The following METTL16 variants were observed in gnomAD, a reference collection of about 807,000 sequenced individuals.
The protein encoded by METTL16 is RNA N(6)-adenosine-methyltransferase METTL16.
In METTL16, 19 loss-of-function variants were observed where a neutral mutation model predicts 57.9. The ratio of observed to expected loss-of-function variants is 0.33; its 90% CI spans 0.23 to 0.48. The LOEUF (loss-of-function observed/expected upper bound fraction) is 0.48, where lower values mean the gene tolerates loss of function less well. METTL16 is among the 20% of genes least tolerant of loss of function. The pLI is 0.99. For synonymous variants in METTL16, 246 were observed against 255.6 expected, an observed-to-expected ratio of 0.96 and a Z score of 0.36; for missense variants, 434 against 691.5, an observed-to-expected ratio of 0.63 and a Z score of 4.18.
At chr17:2,493,952 A>C (rs2067421201) in intron 2 of METTL16, among the ~76,000 whole-genome samples, 1 of 152,124 alleles carries the variant, frequency 6.6e-6, no homozygotes, top group South Asian at 2.1e-4. Context: ...AGTTCTCCTC[A>C]AGACTGCCGT....
In METTL16 at chr17:2,507,502, T is replaced by TG. The variant is rs1455295578; in HGVS notation, c.-1+4256dup. 1.6e-4 allele frequency among the ~76,000 whole-genome samples: 22 copies of TG among 133,794 alleles called. No homozygotes were observed. In the South Asian group the frequency reaches 2.2e-3, roughly 13 times the overall value. The allele number at this position is 133,794 out of a possible 152,430, so 87.8% of individuals were successfully genotyped here. A position where few individuals can be genotyped will look rare whatever the true frequency, so the allele number is the denominator to read the frequency against. ...ACAGCCGCCCTGTCCGGGAGGGAGG[T>TG]GGGGGGGTCAGCCCCCCGCCCGGCC... On this transcript the variant is annotated intron_variant, in intron 1 of 9. Transcript: ENST00000263092.
rs869134753 is a variant in METTL16 at position 2,417,085 on chromosome 17, T to TTTTTTTTTTTTTTTTTTTTTTA, written c.*2884_*2885insTAAAAAAAAAAAAAAAAAAAAA. The TTTTTTTTTTTTTTTTTTTTTTA allele has an allele frequency of 7.9e-5, 11 of 138,430 alleles. No individual in the cohort carries two copies. The highest frequency in any genetic ancestry group is 3.1e-4 in the African/African-American group (11 of 35,038). 8.6% of individuals were successfully genotyped at this position (138,430 alleles called of 1,614,324 possible). On this transcript the variant is annotated 3_prime_UTR_variant, in exon 10 of 10. Coordinates refer to ENST00000263092, the MANE Select transcript of METTL16 (RefSeq NM_024086.4). ...TTTTTTTTTTTTTTTTTTTTTTTTT[T>TTTTTTTTTTTTTTTTTTTTTTA]GAGACAGTCCCACTTTGTCGCCCAG...
intron 8 of METTL16, among the ~76,000 whole-genome samples, chr17:2,430,654 G>A (rs78283249): frequency 2.2e-4 from 34 of 151,950 alleles, no homozygotes; most frequent in African/African-American, 8.0e-4. Flanking sequence ...TCCTGACCTC[G>A]CGATCCGCCG....
rs55994674 is a variant in METTL16, at chr17:2,429,198, CT to C, written c.889-8295del. ...AAACTGATAAAGCAAAAGAATGAAA[CT>C]TTTTTTTTTTTTTTTGGAGATGTAG... is the stretch of plus-strand genomic sequence containing the variant. On this transcript the variant is annotated intron_variant, in intron 8 of 9. Transcript: ENST00000263092. Among the ~76,000 whole-genome samples the C allele has an allele frequency of 3.9e-3, 467 of 120,342 alleles. 3 individuals are homozygous for C. The highest frequency in any genetic ancestry group is 8.6e-3 in the African/African-American group (260 of 30,230). 78.9% of individuals were successfully genotyped at this position (120,342 alleles called of 152,430 possible).
chr17:2,445,795 AAATT>A (rs1363605578), intron 6 of METTL16, among the ~76,000 whole-genome samples: 1 of 151,852 alleles, frequency 6.6e-6, no homozygotes, highest in Non-Finnish European at 1.5e-5. Flanking sequence ...TAAAAAAAAA[AAATT>A]AATTAATTTA....
intron 2 of METTL16, among the ~76,000 whole-genome samples, chr17:2,487,623 C>T (rs967287991): frequency 1.3e-5 from 2 of 152,152 alleles, no homozygotes; most frequent in Non-Finnish European, 2.9e-5. Flanking sequence ...CCCTGAAAAT[C>T]AGAGTCAGTG....
chr17:2,471,230 G>A (rs1597459936), intron 4 of METTL16, among the ~76,000 whole-genome samples: 1 of 152,170 alleles, frequency 6.6e-6, no homozygotes, highest in Admixed American at 6.5e-5. Context: ...GGGGTGCAGC[G>A]TCGCAATCTC....
chr17:2,420,705 C>T lies in METTL16; in HGVS notation c.1062+26G>A. The T allele has an allele frequency of 6.3e-7, 1 of 1,589,258 alleles. No individual in the cohort carries two copies. Among genetic ancestry groups the T allele is most frequent in the Non-Finnish European group, 8.5e-7 (1 of 1,170,826 alleles). The stretch of plus-strand genomic sequence containing the variant: ...AAAAAGAGAAGGATCATTATGAGTA[C>T]TTCGTCAATATGGTTAAGCAGGTAC... On this transcript the variant is annotated intron_variant, in intron 9 of 9. Transcript: ENST00000263092. The surrounding 1 kb of genome is among the most constrained non-coding windows in gnomAD (Gnocchi z 5.4).
intron 6 of METTL16, among the ~76,000 whole-genome samples, chr17:2,446,914 G>A (rs1021987343): frequency 4.6e-5 from 7 of 151,370 alleles, no homozygotes; most frequent in South Asian, 4.2e-4. Flanking sequence ...GTGCAGTGGC[G>A]TGATCTCGGC....
chr17:2,432,082 C>A (rs1394757842), intron 8 of METTL16, among the ~76,000 whole-genome samples: 1 of 152,084 alleles, frequency 6.6e-6, no homozygotes, highest in East Asian at 1.9e-4. Context: ...GTAGCTGGGA[C>A]TATAGGCGCG....
In METTL16 at chr17:2,420,930, A is replaced by G; in HGVS notation, c.889-26T>C. On this transcript the variant is annotated intron_variant, in intron 8 of 9. Coordinates refer to ENST00000263092, the MANE Select transcript of METTL16 (RefSeq NM_024086.4). This position sits in a 1 kb window ranked among gnomAD's most constrained non-coding sequence, Gnocchi z 5.4. Reference sequence around the variant, plus strand: ...CTGCAAGAAAAAGGAAGCATAGAAAAGAGAAGAAAGTTATCCGAATAATTA... The same window carrying G: ...CTGCAAGAAAAAGGAAGCATAGAAAGGAGAAGAAAGTTATCCGAATAATTA... 1.9e-6 allele frequency: 3 copies of G among 1,603,376 alleles called. No homozygotes were observed. Among genetic ancestry groups the G allele is most frequent in the Non-Finnish European group, 2.6e-6 (3 of 1,175,970 alleles).
chr17:2,467,978 T>C (rs1463208371), intron 4 of METTL16, 102 bp from the exon 5 acceptor site: 2 of 778,118 alleles, frequency 2.6e-6, no homozygotes, highest in African/African-American at 3.5e-5. Context: ...GCATATATGA[T>C]GGTGGTCCCG....
chr17:2,422,418 A>G lies in METTL16; in HGVS notation c.889-1514T>C, dbSNP rs111832616. On this transcript the variant is annotated intron_variant, in intron 8 of 9. Coordinates refer to ENST00000263092, the MANE Select transcript of METTL16 (RefSeq NM_024086.4). ...TTATTTATTTTTGAGATGGAATCTC[A>G]CTCTGTCACTGGAGTGCAATGGCGC... Among the ~76,000 whole-genome samples, 882 of 151,132 alleles carry G rather than the reference A, an allele frequency of 5.8e-3. 7 individuals are homozygous for G. Among genetic ancestry groups the G allele is most frequent in the Middle Eastern group, 0.021 (6 of 288 alleles).
intron 7 of METTL16, among the ~76,000 whole-genome samples, chr17:2,440,759 C>T (rs2066944147): frequency 6.6e-6 from 1 of 151,378 alleles, no homozygotes. Flanking sequence ...CTGCTTGAGC[C>T]CAGGAATTTG....
intron 6 of METTL16, among the ~76,000 whole-genome samples, chr17:2,455,638 C>G (rs754037933): frequency 5.9e-5 from 9 of 152,128 alleles, no homozygotes; most frequent in East Asian, 3.9e-4. Flanking sequence ...AACTAAGCAT[C>G]ATACCTGAGT....
intron 7 of METTL16, among the ~76,000 whole-genome samples, chr17:2,441,012 GAA>G (rs2066947152): frequency 4.3e-5 from 5 of 115,518 alleles, no homozygotes; most frequent in African/African-American, 9.7e-5. Flanking sequence ...AGAAGAAGAA[GAA>G]AAGAAAAGAA....
At chr17:2,442,877 G>C (rs1277598238) in intron 6 of METTL16, among the ~76,000 whole-genome samples, 1 of 151,988 alleles carries the variant, frequency 6.6e-6, no homozygotes, top group African/African-American at 2.4e-5. Context: ...GCCCAGGCTG[G>C]AGTGCAGTGG....
Position 2,466,769 on chromosome 17 carries a change from T to A in METTL16, c.585+992A>T, listed in dbSNP as rs745538843. 1.2e-3 allele frequency among the ~76,000 whole-genome samples: 176 copies of A among 152,190 alleles called. 2 individuals are homozygous for A. The highest frequency in any genetic ancestry group is 9.2e-4 in the Admixed American group (14 of 15,274). On this transcript the variant is annotated intron_variant, in intron 5 of 9. Transcript: ENST00000263092. ...ATAGTGATACTGTATTTTTGTATTA[T>A]TTTTCATTGTTACATTGTTATTTTT...
chr17:2,488,625 G>A (rs2067361153), intron 2 of METTL16, among the ~76,000 whole-genome samples: 1 of 152,086 alleles, frequency 6.6e-6, no homozygotes, highest in South Asian at 2.1e-4. Context: ...CTAGAACATG[G>A]ATAAGTCTTT....
Sources: allele counts gnomAD v4.1 joint callset (sites outside exome capture counted in the v4.1 genomes callset), GRCh38; gene constraint gnomAD v4.1.1; non-coding constraint Gnocchi (gnomAD v3.1); transcripts MANE v1.5; gene names NCBI Gene and HGNC (gene_info 2026-07-23, HGNC 2026-07-21).